The following GLIS3 variants were observed in gnomAD, a reference collection of about 807,000 sequenced individuals.
The protein encoded by GLIS3 is zinc finger protein GLIS3.
A neutral mutation model predicts 78.6 loss-of-function variants in GLIS3; 53 were observed. The observed-to-expected ratio is 0.67, with a 90% CI of 0.54 to 0.85. The LOEUF (loss-of-function observed/expected upper bound fraction) is 0.85, where lower values mean the gene tolerates loss of function less well. GLIS3 is among the 40% of genes least tolerant of loss of function. The pLI is 0.00. For missense variants in GLIS3, 1,703 were observed against 1,231.1 expected (o/e 1.38, Z -5.74); for synonymous variants, 684 against 509.9 (o/e 1.34, Z -4.60).
intron 2 of GLIS3, among the ~76,000 whole-genome samples, chr9:4,252,686 G>C (rs767109790): frequency 6.6e-6 from 1 of 152,228 alleles, no homozygotes; most frequent in South Asian, 2.1e-4. Flanking sequence ...GAGGAGAAGA[G>C]GTGTTCTGGG....
In GLIS3 at chr9:4,195,192, C is replaced by G. The variant is rs554479507; in HGVS notation, c.389-69251G>C. ...CGCCTCCTCGGCCTCGGCGTCTGCT[C>G]TGGCCACGCTTGAGGAGCCCTTCAG... On this transcript the variant is annotated intron_variant, in intron 2 of 10. Coordinates refer to ENST00000381971, the MANE Select transcript of GLIS3 (RefSeq NM_001042413.2). 3.3e-5 allele frequency among the ~76,000 whole-genome samples: 5 copies of G among 152,392 alleles called. No individual in the cohort carries two copies. In the East Asian group the frequency reaches 7.7e-4, roughly 24 times the overall value.
chr9:4,061,739 G>C (rs1336197648), intron 4 of GLIS3, among the ~76,000 whole-genome samples: 8 of 152,146 alleles, frequency 5.3e-5, no homozygotes, highest in Admixed American at 5.2e-4. Flanking sequence ...ATGACGTCCT[G>C]AAATGTTTCT....
the GLIS3 span, among the ~76,000 whole-genome samples, chr9:4,355,062 C>A: frequency 1.4e-5 from 2 of 146,540 alleles, no homozygotes; most frequent in Non-Finnish European, 3.0e-5. Flanking sequence ...ACCCGGGAGG[C>A]GGAGGTTGCA....
In GLIS3 at chr9:4,233,649, T is replaced by C. The variant is rs112809151; in HGVS notation, c.388+52389A>G. 2.1e-3 allele frequency among the ~76,000 whole-genome samples: 324 copies of C among 152,340 alleles called. 2 individuals are homozygous for C. The highest frequency in any genetic ancestry group is 7.3e-3 in the African/African-American group (304 of 41,582). The stretch of plus-strand genomic sequence containing the variant: ...CTTAAAGGCCCTAGGATTTTCAAAA[T>C]GGTAAATGAACACTGGCTTCAACTT... On this transcript the variant is annotated intron_variant, in intron 2 of 10. Transcript: ENST00000381971.
At chr9:3,923,153 C>G (rs1825001696) in intron 6 of GLIS3, among the ~76,000 whole-genome samples, 1 of 152,188 alleles carries the variant, frequency 6.6e-6, no homozygotes, top group African/African-American at 2.4e-5. Flanking sequence ...GCCAACCAAA[C>G]TAATTGCCTT....
chr9:3,829,575 C>G, intron 9 of GLIS3, 83 bp from the exon 10 acceptor site: 4 of 1,441,968 alleles, frequency 2.8e-6, no homozygotes, highest in East Asian at 2.3e-5. Context: ...GAACCTCACT[C>G]AGCCTGGCTT....
intron 2 of GLIS3, among the ~76,000 whole-genome samples, chr9:4,267,922 TAA>T (rs201601116): frequency 0.027 from 4,115 of 150,678 alleles, 86 homozygotes; most frequent in Middle Eastern, 0.072. Flanking sequence ...CACGGATAAG[TAA>T]AAAACAGATT....
the GLIS3 span, among the ~76,000 whole-genome samples, chr9:4,451,382 T>C: frequency 9.9e-5 from 15 of 152,014 alleles, no homozygotes; most frequent in Non-Finnish European, 1.9e-4. Context: ...AGACTTAGAC[T>C]CCCACACAAT....
intron 4 of GLIS3, among the ~76,000 whole-genome samples, chr9:3,991,347 G>A (rs895950218): frequency 2.6e-5 from 4 of 151,930 alleles, no homozygotes; most frequent in Admixed American, 2.0e-4. Context: ...CAAAAAAAAA[G>A]GGTTCACAGC....
intron 2 of GLIS3, among the ~76,000 whole-genome samples, chr9:4,258,963 A>C (rs976607915): frequency 8.5e-5 from 13 of 152,100 alleles, no homozygotes; most frequent in Admixed American, 6.5e-4. Context: ...TACTATCACA[A>C]AGCCCCAGAA....
At chr9:4,295,972 C>A (rs957891638) in intron 1 of GLIS3, among the ~76,000 whole-genome samples, 1 of 151,954 alleles carries the variant, frequency 6.6e-6, no homozygotes, top group Non-Finnish European at 1.5e-5. Context: ...CTTTTTTCCC[C>A]AGTCCTGATA....
At chr9:4,060,289 A>T (rs1826535450) in intron 4 of GLIS3, among the ~76,000 whole-genome samples, 1 of 152,142 alleles carries the variant, frequency 6.6e-6, no homozygotes, top group African/African-American at 2.4e-5. Flanking sequence ...TTTCCATTCA[A>T]CAAACATTGT....
chr9:4,195,320 G>C (rs1818717670), intron 2 of GLIS3, among the ~76,000 whole-genome samples: 1 of 152,194 alleles, frequency 6.6e-6, no homozygotes, highest in Non-Finnish European at 1.5e-5. Context: ...GTGGGAACTG[G>C]GGCTGTGCAC....
chr9:4,084,084 T>A (rs1378312340), intron 4 of GLIS3, among the ~76,000 whole-genome samples: 2 of 152,120 alleles, frequency 1.3e-5, no homozygotes, highest in Non-Finnish European at 2.9e-5. Flanking sequence ...ACACAGCAAC[T>A]TTTCCAGGTC....
chr9:3,892,344 G>A (rs1424070522), intron 7 of GLIS3, among the ~76,000 whole-genome samples: 2 of 152,236 alleles, frequency 1.3e-5, no homozygotes, highest in Non-Finnish European at 2.9e-5. Context: ...AATGCCTGCT[G>A]TAAAGGCAGT....
intron 2 of GLIS3, among the ~76,000 whole-genome samples, chr9:4,180,707 G>C (rs1232607354): frequency 3.3e-5 from 5 of 152,126 alleles, no homozygotes; most frequent in Admixed American, 6.5e-5. Context: ...CCCAATTCTT[G>C]TGCATTGATT....
At chr9:4,418,654 A>T in the GLIS3 span, among the ~76,000 whole-genome samples, 1 of 152,126 alleles carries the variant, frequency 6.6e-6, no homozygotes, top group Non-Finnish European at 1.5e-5. Flanking sequence ...AGCCGAGATC[A>T]CGCCACTGCA....
the GLIS3 span, among the ~76,000 whole-genome samples, chr9:4,385,815 AAAGAAAGAGAAAAG>A: frequency 2.9e-4 from 13 of 44,296 alleles, 2 homozygotes; most frequent in Admixed American, 1.5e-3. Flanking sequence ...GAAAGAAAAG[AAAGAAAGAGAAAAG>A]AAAGAAAAAA....
intron 4 of GLIS3, among the ~76,000 whole-genome samples, chr9:4,005,616 A>G (rs1365307010): frequency 2.0e-5 from 3 of 152,192 alleles, no homozygotes; most frequent in Non-Finnish European, 4.4e-5. Context: ...AAAGGACCAA[A>G]TTAATTGTAC....
Sources: gnomAD v4.1 joint callset for allele counts (sites outside exome capture counted in the v4.1 genomes callset) on GRCh38, gnomAD v4.1.1 for gene constraint, MANE v1.5 for transcripts, NCBI Gene and HGNC (gene_info 2026-07-23, HGNC 2026-07-21) for gene names.